ATP8A1: variants seen among roughly 807,000 people sequenced by gnomAD.
ATP8A1 encodes the protein ATPase phospholipid transporting 8A1, also known as phospholipid-transporting ATPase IA.
A neutral mutation model predicts 177.7 loss-of-function variants in ATP8A1; 90 were observed. The observed-to-expected ratio is 0.51, with a 90% CI of 0.43 to 0.60. The LOEUF is 0.60. Ranked by LOEUF, ATP8A1 falls within the 20% of genes least tolerant of loss-of-function variation. ATP8A1 has a pLI of 0.00. For missense variants in ATP8A1, 1,072 were observed against 1,392.8 expected (o/e 0.77, Z 3.67); for synonymous variants, 493 against 485.9 (o/e 1.01, Z -0.19).
chr4:42,468,053 C>G (rs1719982433), intron 25 of ATP8A1, among the ~76,000 whole-genome samples: 1 of 151,990 alleles, frequency 6.6e-6, no homozygotes, highest in East Asian at 1.9e-4. Context: ...GCAAGAATGG[C>G]CATAATAAAA....
chr4:42,645,779 T>C (rs1012679350), intron 1 of ATP8A1, among the ~76,000 whole-genome samples: 5 of 152,340 alleles, frequency 3.3e-5, no homozygotes, highest in Admixed American at 2.6e-4. Context: ...GTTAGGAAAG[T>C]TGACTTAAGT....
At chr4:42,459,833 A>T (rs1718903934) in intron 27 of ATP8A1, among the ~76,000 whole-genome samples, 1 of 152,112 alleles carries the variant, frequency 6.6e-6, no homozygotes, top group Non-Finnish European at 1.5e-5. Flanking sequence ...TCTGTCACCC[A>T]GGCTGGAGTG....
chr4:42,448,392 C>CTTACTTTACTTTTTTTTTTTTTTT (rs1560335169), intron 30 of ATP8A1, among the ~76,000 whole-genome samples: 8 of 19,928 alleles, frequency 4.0e-4, no homozygotes, highest in African/African-American at 6.5e-4. Context: ...CCCTCCTTCT[C>CTTACTTTACTTTTTTTTTTTTTTT]TTTCTTTTCT....
chr4:42,501,001 G>C (rs1039121140), intron 24 of ATP8A1, among the ~76,000 whole-genome samples: 1 of 152,028 alleles, frequency 6.6e-6, no homozygotes, highest in Admixed American at 6.6e-5. Context: ...TTTTCTATCT[G>C]AAATTTTAAG....
chr4:42,500,009 G>C (rs73160966), intron 24 of ATP8A1, among the ~76,000 whole-genome samples: 6,839 of 152,326 alleles, frequency 0.045, 202 homozygotes, highest in South Asian at 0.095. Flanking sequence ...TGTGGAGTTA[G>C]AGAAGTAAAA....
chr4:42,608,749 T>C (rs1736079673), intron 5 of ATP8A1, among the ~76,000 whole-genome samples: 2 of 152,202 alleles, frequency 1.3e-5, no homozygotes, highest in South Asian at 4.1e-4. Flanking sequence ...CCACAGAAAA[T>C]GTAGTGTGCT....
chr4:42,479,396 T>TA (rs1289956505), intron 25 of ATP8A1, among the ~76,000 whole-genome samples: 2 of 152,200 alleles, frequency 1.3e-5, no homozygotes, highest in Non-Finnish European at 2.9e-5. Flanking sequence ...GAAAAGGAAG[T>TA]AATCACTGGA....
chr4:42,423,470 G>A (rs1714225792), intron 34 of ATP8A1, 147 bp downstream of exon 34: 2 of 461,802 alleles, frequency 4.3e-6, no homozygotes. Flanking sequence ...TCTAGTTCCT[G>A]AATCACCCCT....
At chr4:42,633,032 G>C (rs1193814274) in intron 1 of ATP8A1, among the ~76,000 whole-genome samples, 1 of 152,188 alleles carries the variant, frequency 6.6e-6, no homozygotes, top group Non-Finnish European at 1.5e-5. Context: ...CCCTTCTTGA[G>C]CCTTTATTGA....
rs73810761 is a variant in ATP8A1, at chr4:42,611,158, T to C, written c.409+4875A>G. ...GTTTCCAGTGGGAGATAAGCAACTA[T>C]GCGCCCTGCAGGGAAGTAGTCTTGT... On this transcript the variant is annotated intron_variant, in intron 5 of 36. Coordinates refer to ENST00000381668, the MANE Select transcript of ATP8A1 (RefSeq NM_006095.2). Among the ~76,000 whole-genome samples, 1,064 of 152,286 alleles carry C rather than the reference T, an allele frequency of 7.0e-3. 17 individuals are homozygous for C. Among genetic ancestry groups the C allele is most frequent in the African/African-American group, 0.024 (1,007 of 41,560 alleles).
chr4:42,459,821 G>A (rs1254313274), intron 27 of ATP8A1, among the ~76,000 whole-genome samples: 1 of 151,558 alleles, frequency 6.6e-6, no homozygotes, highest in Admixed American at 6.6e-5. Context: ...ACAGAGTCTC[G>A]CTCTGTCACC....
At position 42,657,049 on chromosome 4, in the gene ATP8A1, GA is replaced by G; in HGVS notation, c.-177del. Reference sequence around the variant, plus strand: ...GGCCCCCGCACGCCGACAGGAGGAGGAGAAAGGCAGCGGTGGCGGCGAAGGT... The same window carrying G: ...GGCCCCCGCACGCCGACAGGAGGAGGGAAAGGCAGCGGTGGCGGCGAAGGT... On this transcript the variant is annotated 5_prime_UTR_variant, in exon 1 of 37. Transcript: ENST00000381668. 1.8e-6 allele frequency: 1 copy of G among 548,230 alleles called. No individual in the cohort carries two copies. The highest frequency in any genetic ancestry group is 2.0e-5 in the African/African-American group (1 of 51,170). The allele number at this position is 548,230 out of a possible 1,614,324, so 34.0% of individuals were successfully genotyped here. A position where few individuals can be genotyped will look rare whatever the true frequency, so the allele number is the denominator to read the frequency against.
intron 33 of ATP8A1, among the ~76,000 whole-genome samples, chr4:42,443,299 G>A (rs772618316): frequency 1.1e-4 from 16 of 152,114 alleles, no homozygotes; most frequent in East Asian, 1.9e-4. Context: ...TATTCTTAAC[G>A]AGATTCAAGC....
At chr4:42,499,665 A>G (rs1391690031) in intron 24 of ATP8A1, among the ~76,000 whole-genome samples, 1 of 152,246 alleles carries the variant, frequency 6.6e-6, no homozygotes, top group African/African-American at 2.4e-5. Flanking sequence ...GACCAAACCT[A>G]TACAAAAATA....
chr4:42,438,876 C>T (rs992460028), intron 33 of ATP8A1, among the ~76,000 whole-genome samples: 12 of 152,052 alleles, frequency 7.9e-5, no homozygotes, highest in East Asian at 1.9e-4. Flanking sequence ...ATGAGTTTAG[C>T]GAAAACAAGG....
At chr4:42,515,384 A>G (rs1035272779) in intron 22 of ATP8A1, among the ~76,000 whole-genome samples, 1 of 152,242 alleles carries the variant, frequency 6.6e-6, no homozygotes, top group African/African-American at 2.4e-5. Context: ...TGAACTTGGC[A>G]GTCATGAATG....
chr4:42,581,371 G>A (rs1201402791), intron 10 of ATP8A1, among the ~76,000 whole-genome samples: 1 of 152,142 alleles, frequency 6.6e-6, no homozygotes, highest in Non-Finnish European at 1.5e-5. Context: ...CTGACCTTGT[G>A]ATCCGCCCGC....
intron 15 of ATP8A1, among the ~76,000 whole-genome samples, chr4:42,560,767 T>A (rs1730735200): frequency 6.6e-6 from 1 of 152,132 alleles, no homozygotes; most frequent in Non-Finnish European, 1.5e-5. Flanking sequence ...GCTGGTAGCC[T>A]GCACTTAGGT....
chr4:42,630,777 C>T (rs188323592), intron 1 of ATP8A1, among the ~76,000 whole-genome samples: 22 of 152,210 alleles, frequency 1.4e-4, no homozygotes, highest in Admixed American at 3.3e-4. Flanking sequence ...GTTTGAACTC[C>T]GTATTAAGTA....
Sources: allele counts gnomAD v4.1 joint callset (sites outside exome capture counted in the v4.1 genomes callset), GRCh38; gene constraint gnomAD v4.1.1; transcripts MANE v1.5; gene names NCBI Gene and HGNC (gene_info 2026-07-23, HGNC 2026-07-21).